Variants in KIAA0513 observed in about 807,000 individuals in gnomAD.
KIAA0513 encodes the protein uncharacterized protein KIAA0513.
A neutral mutation model predicts 56.5 loss-of-function variants in KIAA0513; 39 were observed. The ratio of observed to expected loss-of-function variants is 0.69; its 90% CI spans 0.53 to 0.90. The LOEUF (loss-of-function observed/expected upper bound fraction) is 0.90, where lower values mean the gene tolerates loss of function less well. KIAA0513 is among the 40% of genes least tolerant of loss of function. The pLI, the probability that KIAA0513 is intolerant of heterozygous loss-of-function variation, is 0.00. For synonymous variants in KIAA0513, 268 were observed against 215.6 expected (o/e 1.24, Z -2.13); for missense variants, 591 against 535.2 (o/e 1.10, Z -1.03).
At chr16:85,044,022 C>T (rs1366362784) in intron 1 of KIAA0513, among the ~76,000 whole-genome samples, 2 of 152,186 alleles carry the variant, frequency 1.3e-5, no homozygotes, top group South Asian at 4.1e-4. Flanking sequence ...AAGAGCAAAA[C>T]TCAGTCTCAA....
At position 85,093,651 on chromosome 16, in the gene KIAA0513, G is replaced by C. The variant is rs1186261560; in HGVS notation, c.*5326G>C. 3 of 152,384 alleles carry C rather than the reference G, an allele frequency of 2.0e-5. No homozygotes were observed. Among genetic ancestry groups the C allele is most frequent in the Non-Finnish European group, 2.9e-5 (2 of 68,054 alleles). 9.4% of individuals were successfully genotyped at this position (152,384 alleles called of 1,614,324 possible). A position where few individuals can be genotyped will look rare whatever the true frequency, so the allele number is the denominator to read the frequency against. ...GCACTCTGGGAGGTGCAGCCCTAAG[G>C]GGTGGACTCCAGATCTCCCTGCAAG... is the stretch of plus-strand genomic sequence containing the variant. On this transcript the variant is annotated 3_prime_UTR_variant, in exon 13 of 13. Coordinates refer to ENST00000683363, the MANE Select transcript of KIAA0513 (RefSeq NM_001388359.1).
At chr16:85,046,458 C>A (rs1165070211) in intron 1 of KIAA0513, among the ~76,000 whole-genome samples, 2 of 152,234 alleles carry the variant, frequency 1.3e-5, no homozygotes, top group Non-Finnish European at 2.9e-5. Context: ...CAAGCGTCAG[C>A]CCAGCGGAGG....
intron 1 of KIAA0513, among the ~76,000 whole-genome samples, chr16:85,029,339 T>C (rs567976995): frequency 2.0e-5 from 3 of 152,246 alleles, no homozygotes; most frequent in African/African-American, 4.8e-5. Flanking sequence ...TTGCCTTTTG[T>C]ATGGGATGTG....
chr16:85,051,900 A>G (rs1420947239), intron 1 of KIAA0513, among the ~76,000 whole-genome samples: 3 of 151,022 alleles, frequency 2.0e-5, no homozygotes, highest in Non-Finnish European at 4.4e-5. Context: ...GTGACCCTCC[A>G]GCCTCAGCCT....
chr16:85,047,881 A>G (rs1293613755), intron 1 of KIAA0513, among the ~76,000 whole-genome samples: 3 of 151,900 alleles, frequency 2.0e-5, no homozygotes, highest in Non-Finnish European at 4.4e-5. Context: ...CTGGTCTTCA[A>G]CCCCCTTCTA....
At chr16:85,078,814 G>A in intron 7 of KIAA0513, 111 bp from the exon 8 acceptor site, 1 of 1,183,006 alleles carries the variant, frequency 8.5e-7, no homozygotes, top group Non-Finnish European at 1.3e-6. Flanking sequence ...TGCATCACGT[G>A]TTTCAGTGAC....
At chr16:85,042,485 C>T (rs914123505) in intron 1 of KIAA0513, among the ~76,000 whole-genome samples, 1 of 152,156 alleles carries the variant, frequency 6.6e-6, no homozygotes, top group Non-Finnish European at 1.5e-5. Context: ...GACTCCCCCT[C>T]TGCTTGGGTT....
chr16:85,066,254 G>T (rs2073479545), intron 1 of KIAA0513, among the ~76,000 whole-genome samples: 2 of 152,200 alleles, frequency 1.3e-5, no homozygotes, highest in African/African-American at 4.8e-5. Flanking sequence ...GGAGGAAAAA[G>T]TTGGGGAATG....
intron 5 of KIAA0513, among the ~76,000 whole-genome samples, chr16:85,077,031 C>T (rs554064654): frequency 1.3e-5 from 2 of 152,276 alleles, no homozygotes; most frequent in East Asian, 3.9e-4. Flanking sequence ...CAGGCCCCCC[C>T]CCAACCCGGT....
chr16:85,037,469 C>T (rs987998748), intron 1 of KIAA0513, among the ~76,000 whole-genome samples: 1 of 152,036 alleles, frequency 6.6e-6, no homozygotes, highest in South Asian at 2.1e-4. Context: ...TAGTAAGTAT[C>T]GAGAATGCAA....
chr16:85,067,068 A>G lies in KIAA0513; in HGVS notation c.-4A>G, dbSNP rs776487445. The G allele has an allele frequency of 4.5e-6, 7 of 1,555,304 alleles. No homozygotes were observed. Among genetic ancestry groups the G allele is most frequent in the Non-Finnish European group, 6.1e-6 (7 of 1,148,894 alleles). ...GGCAGCCTCACCAGCAGCTCCCCTG[A>G]GCCATGGAGACCCCAGAGGTCCCCG... is the stretch of plus-strand genomic sequence containing the variant. On this transcript the variant is annotated 5_prime_UTR_variant, in exon 2 of 13. Coordinates refer to ENST00000683363, the MANE Select transcript of KIAA0513 (RefSeq NM_001388359.1).
At chr16:85,036,431 T>C (rs963766930) in intron 1 of KIAA0513, among the ~76,000 whole-genome samples, 1 of 152,212 alleles carries the variant, frequency 6.6e-6, no homozygotes, top group Admixed American at 6.5e-5. Context: ...AATTGTCCAG[T>C]ATGTGGCCTT....
At chr16:85,069,065 C>G (rs189629963) in intron 2 of KIAA0513, among the ~76,000 whole-genome samples, 12 of 152,160 alleles carry the variant, frequency 7.9e-5, no homozygotes, top group Non-Finnish European at 1.5e-5. Flanking sequence ...GGGTCTTACT[C>G]TGTTGCCCAG....
intron 2 of KIAA0513, among the ~76,000 whole-genome samples, chr16:85,070,187 AAAAG>A (rs58091090): frequency 7.5e-5 from 11 of 147,568 alleles, no homozygotes; most frequent in Middle Eastern, 7.0e-3. Flanking sequence ...AAAAAAAGAA[AAAAG>A]AAAGAAATTT....
chr16:85,028,032 C>T (rs934986043), intron 1 of KIAA0513, among the ~76,000 whole-genome samples, 174 bp downstream of exon 1: 3 of 151,912 alleles, frequency 2.0e-5, no homozygotes, highest in Non-Finnish European at 2.9e-5. Context: ...GGCGGGGCCT[C>T]GCGGGCCGAG....
Position 85,075,877 on chromosome 16 carries a change from G to T in KIAA0513, c.537G>T (p.Lys179Asn). Residue 179 changes from lysine to asparagine, a missense_variant, in exon 5 of 13, where the codon AAG becomes AAT. Lys to Asn is a moderately conservative substitution (Grantham distance 94, BLOSUM62 0). Transcript: ENST00000683363. ...AGATGGATGACTTTGGGCCTGCCAA[G>T]AACCTCATGACCATGTGCTTCACCT... Reference protein sequence around the residue: ...CHQMDDFGPAKNLMTMCFTYY... With the variant: ...CHQMDDFGPANNLMTMCFTYY... 6.2e-7 allele frequency: 1 copy of T among 1,614,170 alleles called. No individual in the cohort carries two copies. Among genetic ancestry groups the T allele is most frequent in the South Asian group, 1.1e-5 (1 of 91,080 alleles).
At chr16:85,071,923 A>G in intron 3 of KIAA0513, 41 bp downstream of exon 3, 1 of 1,307,320 alleles carries the variant, frequency 7.6e-7, no homozygotes, top group Non-Finnish European at 1.1e-6. Flanking sequence ...TTTACTCTCA[A>G]GGAAGAATCT....
chr16:85,050,413 A>T (rs1419226334), intron 1 of KIAA0513, among the ~76,000 whole-genome samples: 1 of 150,720 alleles, frequency 6.6e-6, no homozygotes, highest in African/African-American at 2.5e-5. Context: ...GCAGTGGCGC[A>T]ATCTCGGCTC....
chr16:85,030,729 G>T (rs991676833), intron 1 of KIAA0513, among the ~76,000 whole-genome samples: 8 of 145,666 alleles, frequency 5.5e-5, no homozygotes, highest in African/African-American at 1.8e-4. Context: ...GGGTGACAGA[G>T]AAAGACTCCA....
Sources: allele counts gnomAD v4.1 joint callset (sites outside exome capture counted in the v4.1 genomes callset), GRCh38; gene constraint gnomAD v4.1.1; transcripts MANE v1.5; gene names NCBI Gene and HGNC (gene_info 2026-07-23, HGNC 2026-07-21).